GLYATL1: variants seen among roughly 807,000 people sequenced by gnomAD.
The protein encoded by GLYATL1 is glycine N-acyltransferase-like protein 1.
A neutral mutation model predicts 20.0 loss-of-function variants in GLYATL1; 15 were observed. The observed-to-expected ratio is 0.75, with a 90% CI of 0.50 to 1.15. The LOEUF (loss-of-function observed/expected upper bound fraction) is 1.15, where lower values mean the gene tolerates loss of function less well. GLYATL1 is among the 50% of genes most tolerant of loss of function. The pLI, the probability that GLYATL1 is intolerant of heterozygous loss-of-function variation, is 0.00. For missense variants in GLYATL1, 380 were observed against 368.5 expected (o/e 1.03, Z -0.26); for synonymous variants, 151 against 131.5 (o/e 1.15, Z -1.01).
chr11:58,922,826 C>T (rs1475041543), upstream of GLYATL1, among the ~76,000 whole-genome samples: 2 of 152,102 alleles, frequency 1.3e-5, no homozygotes, highest in African/African-American at 4.8e-5. Context: ...AGCCATAAAT[C>T]GATATAGGAG....
At chr11:58,907,536 A>G (rs1338288406) in exon 2 of GLYATL1, 1 of 361,154 alleles carries the variant, frequency 2.8e-6, no homozygotes, top group Non-Finnish European at 5.4e-6. Context: ...CTGTTACTCC[A>G]TTTTGGCCAG....
chr11:58,907,221 C>G (rs1212358142), intron 1 of GLYATL1: 1 of 455,884 alleles, frequency 2.2e-6, no homozygotes, highest in Non-Finnish European at 4.4e-6. Flanking sequence ...TTTTCTGTCT[C>G]TCTCTCTCTG....
intron 3 of GLYATL1, 121 bp downstream of exon 3, chr11:58,947,286 G>A: frequency 1.5e-6 from 2 of 1,335,068 alleles, no homozygotes; most frequent in South Asian, 3.0e-5. Flanking sequence ...GAAACAGGAT[G>A]GGACTGGGGG....
chr11:58,943,189 C>G (rs993833356), intron 1 of GLYATL1: 77 of 1,326,436 alleles, frequency 5.8e-5, no homozygotes, highest in Non-Finnish European at 7.3e-5. Context: ...TGTAACGTAG[C>G]TTAATCATCA....
chr11:58,943,275 C>T (rs917925649), intron 1 of GLYATL1: 3 of 1,543,256 alleles, frequency 1.9e-6, no homozygotes, highest in Non-Finnish European at 1.7e-6. Flanking sequence ...AGCAGCCATA[C>T]TTCAACTACT....
chr11:58,905,711 G>A, intron 1 of GLYATL1: 1 of 436,402 alleles, frequency 2.3e-6, no homozygotes, highest in Non-Finnish European at 4.6e-6. Flanking sequence ...GGGGATCGCT[G>A]GGACCGGGAT....
intron 4 of GLYATL1, among the ~76,000 whole-genome samples, chr11:58,953,226 T>C (rs1857122770): frequency 6.6e-6 from 1 of 152,188 alleles, no homozygotes; most frequent in Non-Finnish European, 1.5e-5. Flanking sequence ...TTGTTCAGGA[T>C]TTCTATTTTT....
chr11:58,930,107 A>C (rs1855545085), intron 1 of GLYATL1, among the ~76,000 whole-genome samples: 2 of 134,746 alleles, frequency 1.5e-5, no homozygotes, highest in South Asian at 2.4e-4. Flanking sequence ...TTTAAAAAAA[A>C]ATTTTTTTCC....
At chr11:58,949,237 G>A (rs1413206376) in intron 4 of GLYATL1, among the ~76,000 whole-genome samples, 3 of 152,094 alleles carry the variant, frequency 2.0e-5, no homozygotes, top group Admixed American at 2.0e-4. Context: ...TGTAAACGCT[G>A]AGCCCCCAAA....
upstream of GLYATL1, chr11:58,935,285 T>A (rs1855780432): frequency 6.6e-6 from 1 of 152,250 alleles, no homozygotes; most frequent in Non-Finnish European, 1.5e-5. Context: ...AATAGTCGCA[T>A]ACCCATTACT....
At chr11:58,907,184 A>C (rs1350744981) in intron 1 of GLYATL1, 1 of 452,816 alleles carries the variant, frequency 2.2e-6, no homozygotes, top group Non-Finnish European at 4.4e-6. Context: ...TGAATACTTT[A>C]GGGGAAACCT....
chr11:58,946,002 T>TA (rs1407566158), intron 2 of GLYATL1, among the ~76,000 whole-genome samples: 2 of 152,222 alleles, frequency 1.3e-5, no homozygotes, highest in Non-Finnish European at 2.9e-5. Context: ...ACTTCATGGA[T>TA]AAAAAATTTC....
chr11:58,939,224 T>C (rs1855975898), upstream of GLYATL1, among the ~76,000 whole-genome samples: 2 of 152,176 alleles, frequency 1.3e-5, no homozygotes, highest in Admixed American at 1.3e-4. Flanking sequence ...TAAATTATGA[T>C]TGCTTCCTTA....
At chr11:58,942,249 G>C (rs183579840) in intron 1 of GLYATL1, among the ~76,000 whole-genome samples, 3 of 152,318 alleles carry the variant, frequency 2.0e-5, no homozygotes, top group Admixed American at 2.0e-4. Flanking sequence ...TCTGAACTTT[G>C]CTCCAGAGGG....
At chr11:58,919,977 T>A (rs1855269269) in intron 1 of GLYATL1, among the ~76,000 whole-genome samples, 1 of 152,204 alleles carries the variant, frequency 6.6e-6, no homozygotes. Context: ...CCTCAATGTA[T>A]TTCCCAGTTT....
chr11:58,917,012 A>G (rs1342231248), intron 1 of GLYATL1: 1 of 152,226 alleles, frequency 6.6e-6, no homozygotes, highest in Non-Finnish European at 1.5e-5. Context: ...ATCCAGAAGT[A>G]CTTTCCGTTT....
upstream of GLYATL1, among the ~76,000 whole-genome samples, chr11:58,926,709 T>C (rs1156557430): frequency 6.6e-6 from 1 of 152,260 alleles, no homozygotes; most frequent in African/African-American, 2.4e-5. Flanking sequence ...AGCAATTGAC[T>C]GCATTAATCA....
chr11:58,907,287 C>T (rs1854920768), exon 2 of GLYATL1: 1 of 456,172 alleles, frequency 2.2e-6, no homozygotes, highest in African/African-American at 2.0e-5. Context: ...ACCTTGGTCT[C>T]TCAGCTTTGT....
intron 4 of GLYATL1, among the ~76,000 whole-genome samples, chr11:58,949,681 C>G (rs1204855755): frequency 6.9e-6 from 1 of 145,272 alleles, no homozygotes; most frequent in Non-Finnish European, 1.5e-5. Context: ...CATATAAGAC[C>G]AAAAAAAAAA....
Sources: allele counts gnomAD v4.1 joint callset (sites outside exome capture counted in the v4.1 genomes callset), GRCh38; gene constraint gnomAD v4.1.1; transcripts MANE v1.5; gene names NCBI Gene and HGNC (gene_info 2026-07-23, HGNC 2026-07-21).